The following DSG4 variants were observed in gnomAD, a reference collection of about 807,000 sequenced individuals.
The protein encoded by DSG4 is desmoglein 4.
Under a neutral mutation model 93.1 loss-of-function variants are expected in DSG4, and 87 were observed. The ratio of observed to expected loss-of-function variants is 0.93; its 90% CI spans 0.79 to 1.12. DSG4 has a LOEUF of 1.12. DSG4 is among the 50% of genes most tolerant of loss of function. The pLI, the probability that DSG4 is intolerant of heterozygous loss-of-function variation, is 0.00. For synonymous variants in DSG4, 432 were observed against 452.9 expected (o/e 0.95, Z 0.59); for missense variants, 1,373 against 1,285.7 (o/e 1.07, Z -1.04).
chr18:31,396,094 G>A (rs2072302118), intron 8 of DSG4, among the ~76,000 whole-genome samples: 1 of 152,036 alleles, frequency 6.6e-6, no homozygotes, highest in Admixed American at 6.6e-5. Flanking sequence ...ATTGATAAGT[G>A]TATATGAAAA....
chr18:31,395,794 A>G (rs2072298866), intron 8 of DSG4, among the ~76,000 whole-genome samples: 1 of 152,174 alleles, frequency 6.6e-6, no homozygotes, highest in Non-Finnish European at 1.5e-5. Flanking sequence ...TGAGTCCAGG[A>G]GTTCGAGACC....
chr18:31,399,701 T>A (rs1192409833), intron 9 of DSG4, among the ~76,000 whole-genome samples, 158 bp downstream of exon 9: 1 of 152,216 alleles, frequency 6.6e-6, no homozygotes. Context: ...ATCTTAGAAT[T>A]TTAAGTGTTT....
chr18:31,380,925 T>C (rs377012168), intron 1 of DSG4, among the ~76,000 whole-genome samples: 1 of 152,190 alleles, frequency 6.6e-6, no homozygotes, highest in African/African-American at 2.4e-5. Context: ...TCATGTTCTC[T>C]CTAGAAGTAA....
intron 8 of DSG4, among the ~76,000 whole-genome samples, chr18:31,393,725 A>G (rs542350433): frequency 6.6e-6 from 1 of 152,278 alleles, no homozygotes; most frequent in African/African-American, 2.4e-5. Context: ...CAGATAGCAT[A>G]TTAGGAAGCC....
At chr18:31,397,576 A>G (rs1412855262) in intron 8 of DSG4, among the ~76,000 whole-genome samples, 2 of 152,140 alleles carry the variant, frequency 1.3e-5, no homozygotes, top group African/African-American at 4.8e-5. Flanking sequence ...TCCTGTTCCT[A>G]GATTATGTGA....
intron 11 of DSG4, among the ~76,000 whole-genome samples, chr18:31,405,150 T>C (rs1381704992): frequency 6.6e-6 from 1 of 152,250 alleles, no homozygotes; most frequent in Non-Finnish European, 1.5e-5. Flanking sequence ...TTGTGTGCTA[T>C]GGATCAATCA....
Position 31,412,948 on chromosome 18 carries a change from G to A in DSG4, c.2476G>A (p.Asp826Asn). Residue 826 changes from aspartate to asparagine, a missense_variant, in exon 16 of 16, where the codon GAT becomes AAT. Physicochemically the swap from Asp to Asn is conservative, Grantham distance 23. Transcript: ENST00000308128. ...TATTGGTTGTTGCAGTTGGATTGTG[G>A]ATGACTTAGATGAAAGCTGCATGGA... ...GSIGCCSWIV[D>N]DLDESCMETL... is the part of the protein sequence containing the mutation. 6.2e-7 allele frequency: 1 copy of A among 1,614,184 alleles called. No homozygotes were observed. The highest frequency in any genetic ancestry group is 1.1e-5 in the South Asian group (1 of 91,084).
intron 3 of DSG4, among the ~76,000 whole-genome samples, chr18:31,387,230 C>T (rs942119353): frequency 6.6e-6 from 1 of 152,138 alleles, no homozygotes; most frequent in Non-Finnish European, 1.5e-5. Flanking sequence ...CAGATCTCTA[C>T]ATCCAGAAAA....
intron 9 of DSG4, 75 bp from the exon 10 acceptor site, chr18:31,400,806 A>G: frequency 2.0e-6 from 3 of 1,502,300 alleles, no homozygotes; most frequent in Non-Finnish European, 2.8e-6. Flanking sequence ...AGTTTGCCAC[A>G]TTGTAGCTGT....
intron 8 of DSG4, 148 bp downstream of exon 8, chr18:31,392,488 T>C: frequency 1.2e-6 from 1 of 861,456 alleles, no homozygotes; most frequent in Non-Finnish European, 1.8e-6. Flanking sequence ...GTAACTGCTA[T>C]GTCAGTCTGA....
At position 31,376,969 on chromosome 18, in the gene DSG4, A is replaced by C; in HGVS notation, c.48+10A>C. 1 of 1,613,084 alleles carries C rather than the reference A, an allele frequency of 6.2e-7. No homozygotes were observed. Among genetic ancestry groups the C allele is most frequent in the Non-Finnish European group, 8.5e-7 (1 of 1,179,360 alleles). On this transcript the variant is annotated intron_variant, in intron 1 of 15. Coordinates refer to ENST00000308128, the MANE Select transcript of DSG4 (RefSeq NM_177986.5). ...TTTGATCATTCTAATGGTAAGTAGA[A>C]TTTAAAGAGGTGGGAAGGAAATGCA...
In DSG4 at chr18:31,411,419, A is replaced by T. The variant is rs758418090; in HGVS notation, c.2326A>T (p.Met776Leu). 6.2e-7 allele frequency: 1 copy of T among 1,613,828 alleles called. No individual in the cohort carries two copies. The highest frequency in any genetic ancestry group is 1.7e-5 in the Admixed American group (1 of 60,002). Residue 776 changes from methionine to leucine, a missense_variant, in exon 15 of 16, where the codon ATG becomes TTG. By Grantham distance (15) the Met-to-Leu change is conservative (BLOSUM62 2). Transcript: ENST00000308128. ...GGACTACGCTGACGCAGACATCAACATGGCTTTCTTGGACAGCTACTTCTC... is the reference window on the plus strand; with the variant it reads ...GGACTACGCTGACGCAGACATCAACTTGGCTTTCTTGGACAGCTACTTCTC... ...LRDYADADIN[M>L]AFLDSYFSEK...
chr18:31,391,685 A>C (rs1204352343), intron 7 of DSG4, among the ~76,000 whole-genome samples: 1 of 148,070 alleles, frequency 6.8e-6, no homozygotes, highest in Non-Finnish European at 1.5e-5. Context: ...CAAAAAAACA[A>C]AACAAAAAAC....
At position 31,413,583 on chromosome 18, in the gene DSG4, C is replaced by A; in HGVS notation, c.3111C>A (p.Tyr1037Ter). 1 of 1,613,654 alleles carries A rather than the reference C, an allele frequency of 6.2e-7. No homozygotes were observed. ...TAACACGATACAGTAACATACATTACACCCAACAGTAAGTGCTTTATGGTC... is the reference window on the plus strand; with the variant it reads ...TAACACGATACAGTAACATACATTAAACCCAACAGTAAGTGCTTTATGGTC... ...HRVTRYSNIHYTQQ is the reference protein window; with the variant it reads ...HRVTRYSNIH The change falls in exon 16 of 16, where the codon TAC becomes TAA. Residue 1037 changes from tyrosine (Y) to a stop codon, truncating the protein, a stop_gained. Transcript: ENST00000308128. LOFTEE classifies it high-confidence loss of function.
chr18:31,388,632 C>T, intron 4 of DSG4, 110 bp downstream of exon 4: 1 of 1,446,532 alleles, frequency 6.9e-7, no homozygotes, highest in Non-Finnish European at 9.5e-7. Flanking sequence ...GCAGACTGAA[C>T]CCAAATAGAA....
chr18:31,405,248 T>C (rs113215975), intron 11 of DSG4, among the ~76,000 whole-genome samples: 5 of 152,330 alleles, frequency 3.3e-5, no homozygotes, highest in African/African-American at 1.2e-4. Flanking sequence ...TTAGACAATA[T>C]GTTTTATGAA....
chr18:31,387,961 A>T (rs1159132718), intron 3 of DSG4, among the ~76,000 whole-genome samples: 1 of 152,168 alleles, frequency 6.6e-6, no homozygotes, highest in African/African-American at 2.4e-5. Context: ...TACCATTTTG[A>T]CTAAATCTCA....
At chr18:31,402,856 A>G (rs1312702302) in intron 10 of DSG4, among the ~76,000 whole-genome samples, 1 of 152,240 alleles carries the variant, frequency 6.6e-6, no homozygotes. Flanking sequence ...AAAATCTAAT[A>G]GACTTATATT....
At chr18:31,391,559 A>G (rs896035029) in intron 7 of DSG4, among the ~76,000 whole-genome samples, 3 of 152,122 alleles carry the variant, frequency 2.0e-5, no homozygotes, top group African/African-American at 7.2e-5. Context: ...AATGAATTCT[A>G]CTAGAGTCCC....
Sources: gnomAD v4.1 joint callset for allele counts (sites outside exome capture counted in the v4.1 genomes callset) on GRCh38, gnomAD v4.1.1 for gene constraint, MANE v1.5 for transcripts, NCBI Gene and HGNC (gene_info 2026-07-23, HGNC 2026-07-21) for gene names.